Variants in MFGE8 observed in about 807,000 individuals in gnomAD.
MFGE8 encodes the protein lactadherin.
A neutral mutation model predicts 42.6 loss-of-function variants in MFGE8; 34 were observed. That is an observed-to-expected ratio of 0.80 (90% confidence interval 0.61 to 1.06). The LOEUF is 1.06. MFGE8 is among the 50% of genes least tolerant of loss of function. The probability of loss-of-function intolerance (pLI) is 0.00; values close to 1 mark genes in which losing one functional copy is unlikely to be tolerated. For synonymous variants in MFGE8, 230 were observed against 214.8 expected, an observed-to-expected ratio of 1.07 and a Z score of -0.62; for missense variants, 510 against 516.9, an observed-to-expected ratio of 0.99 and a Z score of 0.13.
rs56317908 is a variant in MFGE8, at chr15:88,901,054, T to C, written c.870+497A>G. ...ACACATATTCACACACATTCACACATACACATTCACATACACATTCACATA... is the reference window on the plus strand; with the variant it reads ...ACACATATTCACACACATTCACACACACACATTCACATACACATTCACATA... On this transcript the variant is annotated intron_variant, in intron 6 of 7. Coordinates refer to ENST00000268150, the MANE Select transcript of MFGE8 (RefSeq NM_005928.4). Among the ~76,000 whole-genome samples the C allele has an allele frequency of 4.3e-5, 5 of 115,520 alleles. 1 individual carries two copies. The highest frequency in any genetic ancestry group is 7.0e-5 in the Non-Finnish European group (4 of 56,810). The allele number at this position is 115,520 out of a possible 152,430, so 75.8% of individuals were successfully genotyped here.
At position 88,906,768 on chromosome 15, in the gene MFGE8, A is replaced by G; in HGVS notation, c.398T>C (p.Leu133Pro). The G allele has an allele frequency of 6.2e-7, 1 of 1,612,954 alleles. No individual in the cohort carries two copies. The highest frequency in any genetic ancestry group is 1.3e-5 in the African/African-American group (1 of 74,998). The change falls in exon 4 of 8, where the codon CTG becomes CCG. Residue 133 changes from leucine to proline, a missense_variant. Transcript: ENST00000268150. This position sits in a 1 kb window ranked among gnomAD's most constrained non-coding sequence, Gnocchi z 4.2. ...CACACCTGTTACCCACATCCTCCGC[A>G]GCAGGTTCACCTGGACACAGGGCAG... The part of the protein sequence containing the change: ...DDNPWIQVNL[L>P]RRMWVTGVVT...
Position 88,907,305 on chromosome 15 carries a change from C to G in MFGE8, c.277G>C (p.Val93Leu), listed in dbSNP as rs1295748225. The G allele has an allele frequency of 6.2e-7, 1 of 1,614,198 alleles. No individual in the cohort carries two copies. Among genetic ancestry groups the G allele is most frequent in the African/African-American group, 1.3e-5 (1 of 75,056 alleles). ...NSQIAASSVR[V>L]TFLGLQHWVP... ...CAATGCTGCAAACCCAAGAAGGTCA[C>G]ACGCACAGACGAGGCGGCGATCTGT... Residue 93 changes from valine (V) to leucine (L), a missense_variant, in exon 3 of 8, where the codon GTG becomes CTG. By Grantham distance (32) the Val-to-Leu change is conservative (BLOSUM62 1). Transcript: ENST00000268150.
chr15:88,901,409 GA>G, intron 6 of MFGE8, 141 bp downstream of exon 6: 1 of 796,784 alleles, frequency 1.3e-6, no homozygotes, highest in Non-Finnish European at 2.0e-6. Flanking sequence ...GAAGAAGAAA[GA>G]AAAGCCGAAG....
In MFGE8 at chr15:88,899,425, G is replaced by A. The variant is rs371505815; in HGVS notation, c.1134C>T (p.Ile378=). ...AGCCCAGCAGCTCCAGGCGCAGGGC[G>A]ATGCGGTTGTGCCAGGCTACAGGCA... The part of the protein sequence containing the change: ...RILPVAWHNR[I]ALRLELLGC Residue 378 remains isoleucine (I), a synonymous_variant, in exon 8 of 8, where the codon ATC becomes ATT. Coordinates refer to ENST00000268150, the MANE Select transcript of MFGE8 (RefSeq NM_005928.4). The surrounding 1 kb of genome is among the most constrained non-coding windows in gnomAD (Gnocchi z 6.8). The A allele has an allele frequency of 1.1e-4, 175 of 1,614,074 alleles. No individual in the cohort carries two copies. Among genetic ancestry groups the A allele is most frequent in the Non-Finnish European group, 1.4e-4 (165 of 1,180,018 alleles).
At chr15:88,907,477 AAGCCCC>A in intron 2 of MFGE8, 101 bp from the exon 3 acceptor site, 1 of 1,064,924 alleles carries the variant, frequency 9.4e-7, no homozygotes, top group East Asian at 2.5e-5. Flanking sequence ...ACCTCTGCCT[AAGCCCC>A]AGGGCCAGGG....
At position 88,901,123 on chromosome 15, in the gene MFGE8, T is replaced by TCA. The variant is rs372663455; in HGVS notation, c.870+426_870+427dup. Reference sequence around the variant, plus strand: ...CAAATACACATTCACACATACACATTCACACACACACATTCACACACACAT... The same window carrying TCA: ...CAAATACACATTCACACATACACATTCACACACACACACATTCACACACACAT... On this transcript the variant is annotated intron_variant, in intron 6 of 7. Transcript: ENST00000268150. 3.4e-4 allele frequency among the ~76,000 whole-genome samples: 21 copies of TCA among 61,424 alleles called. 5 individuals carry two copies. Among genetic ancestry groups the TCA allele is most frequent in the Middle Eastern group, 0.019 (2 of 104 alleles). 40.3% of individuals were successfully genotyped at this position (61,424 alleles called of 152,430 possible). A position where few individuals can be genotyped will look rare whatever the true frequency, so the allele number is the denominator to read the frequency against.
rs546003674 is a variant in MFGE8 at position 88,907,309 on chromosome 15, C to T, written c.273G>A (p.Val91=). The T allele has an allele frequency of 3.1e-6, 5 of 1,614,196 alleles. No homozygotes were observed. The African/African-American group carries it at 4.0e-5, about 13-fold the overall frequency. ...GCTGCAAACCCAAGAAGGTCACACGCACAGACGAGGCGGCGATCTGTGAGT... is the reference window on the plus strand; with the variant it reads ...GCTGCAAACCCAAGAAGGTCACACGTACAGACGAGGCGGCGATCTGTGAGT... ...IANSQIAASS[V]RVTFLGLQHW... Residue 91 remains valine (V), a synonymous_variant, in exon 3 of 8, where the codon GTG becomes GTA. Coordinates refer to ENST00000268150, the MANE Select transcript of MFGE8 (RefSeq NM_005928.4).
Position 88,900,609 on chromosome 15 carries a change from G to A in MFGE8, c.871-798C>T, listed in dbSNP as rs919073505. 4.7e-6 allele frequency: 3 copies of A among 632,226 alleles called. No individual in the cohort carries two copies. The African/African-American group carries it at 6.0e-5, about 13-fold the overall frequency. 39.2% of individuals were successfully genotyped at this position (632,226 alleles called of 1,614,324 possible). On this transcript the variant is annotated intron_variant, in intron 6 of 7. Coordinates refer to ENST00000268150, the MANE Select transcript of MFGE8 (RefSeq NM_005928.4). ...GACCTCCCTGGAGAACCTGCCAGCT[G>A]CACCTGGACACACAGTTCCCCAACA...
At position 88,905,782 on chromosome 15, in the gene MFGE8, A is replaced by G. The variant is rs1898643052; in HGVS notation, c.660T>C (p.Phe220=). 2 of 1,613,184 alleles carry G rather than the reference A, an allele frequency of 1.2e-6. No homozygotes were observed. Among genetic ancestry groups the G allele is most frequent in the South Asian group, 1.1e-5 (1 of 91,060 alleles). The change falls in exon 5 of 8, where the codon TTT becomes TTC. Residue 220 remains phenylalanine, a synonymous_variant. Coordinates refer to ENST00000268150, the MANE Select transcript of MFGE8 (RefSeq NM_005928.4). This position sits in a 1 kb window ranked among gnomAD's most constrained non-coding sequence, Gnocchi z 6.6. ...TSCHTACTLR[F]ELLGCELNGC... is the part of the protein sequence containing the mutation. Reference sequence around the variant, plus strand: ...CGTTCAGCTCACAGCCCAGTAGCTCAAAGCGCAGAGTGCAGGCCGTGTGGC... The same window carrying G: ...CGTTCAGCTCACAGCCCAGTAGCTCGAAGCGCAGAGTGCAGGCCGTGTGGC...
chr15:88,906,755 C>A lies in MFGE8; in HGVS notation c.411G>T (p.Trp137Cys), dbSNP rs1253943373. The A allele has an allele frequency of 5.0e-6, 8 of 1,613,222 alleles. No homozygotes were observed. Among genetic ancestry groups the A allele is most frequent in the Non-Finnish European group, 6.8e-6 (8 of 1,179,864 alleles). The change falls in exon 4 of 8, where the codon TGG becomes TGT. Residue 137 changes from tryptophan to cysteine, a missense_variant. Physicochemically the swap from Trp to Cys is radical, Grantham distance 215. Coordinates refer to ENST00000268150, the MANE Select transcript of MFGE8 (RefSeq NM_005928.4). The surrounding 1 kb of genome is among the most constrained non-coding windows in gnomAD (Gnocchi z 4.2). ...CACCCTGCGTCACCACACCTGTTAC[C>A]CACATCCTCCGCAGCAGGTTCACCT... ...WIQVNLLRRM[W>C]VTGVVTQGAS...
chr15:88,899,933 C>A lies in MFGE8; in HGVS notation c.871-122G>T, dbSNP rs989517349. ...AAACTACTTGGGTGAGCCTCAGTTT[C>A]TTTGGCTATAAAATGGGCATAAGGC... On this transcript the variant is annotated intron_variant, in intron 6 of 7. Coordinates refer to ENST00000268150, the MANE Select transcript of MFGE8 (RefSeq NM_005928.4). The surrounding 1 kb of genome is among the most constrained non-coding windows in gnomAD (Gnocchi z 6.8). 8.3e-6 allele frequency: 10 copies of A among 1,198,478 alleles called. No homozygotes were observed. Among genetic ancestry groups the A allele is most frequent in the Non-Finnish European group, 1.2e-6 (1 of 827,802 alleles). The allele number at this position is 1,198,478 out of a possible 1,614,324, so 74.2% of individuals were successfully genotyped here. A position where few individuals can be genotyped will look rare whatever the true frequency, so the allele number is the denominator to read the frequency against.
chr15:88,901,515 C>A, intron 6 of MFGE8, 36 bp downstream of exon 6: 6 of 1,054,062 alleles, frequency 5.7e-6, no homozygotes, highest in Non-Finnish European at 7.3e-6. Flanking sequence ...TCATCCCACC[C>A]AACCCCAGCC....
chr15:88,909,042 T>C (rs951956012), intron 2 of MFGE8, among the ~76,000 whole-genome samples: 4 of 152,042 alleles, frequency 2.6e-5, no homozygotes, highest in African/African-American at 9.7e-5. Context: ...GCTCCACCCA[T>C]CCCTGGGCCC....
intron 6 of MFGE8, among the ~76,000 whole-genome samples, chr15:88,900,204 T>C (rs1399452695): frequency 6.9e-6 from 1 of 145,860 alleles, no homozygotes; most frequent in Non-Finnish European, 1.5e-5. Context: ...ATGGCGCCAC[T>C]GCACTCCAGC....
At chr15:88,912,925 C>G (rs779748822) in intron 1 of MFGE8, 3 of 985,408 alleles carry the variant, frequency 3.0e-6, no homozygotes, top group Non-Finnish European at 3.6e-6. Flanking sequence ...ACGCAGTTCC[C>G]TGGCCTCATT....
In MFGE8 at chr15:88,903,115, G is replaced by A. The variant is rs887220334; in HGVS notation, c.686-1380C>T. The stretch of plus-strand genomic sequence containing the variant: ...CTTGGCCCCAGAAGAGGAGAGGCCT[G>A]AGGCAGGCTAAAACCTGGGCAGCTT... On this transcript the variant is annotated intron_variant, in intron 5 of 7. Coordinates refer to ENST00000268150, the MANE Select transcript of MFGE8 (RefSeq NM_005928.4). This position sits in a 1 kb window ranked among gnomAD's most constrained non-coding sequence, Gnocchi z 4.9. 1.4e-4 allele frequency: 22 copies of A among 152,426 alleles called. No homozygotes were observed. The highest frequency in any genetic ancestry group is 1.2e-3 in the Admixed American group (18 of 15,304). The allele number at this position is 152,426 out of a possible 1,614,324, so 9.4% of individuals were successfully genotyped here. A position where few individuals can be genotyped will look rare whatever the true frequency, so the allele number is the denominator to read the frequency against.
At chr15:88,908,900 C>T (rs1172755913) in intron 2 of MFGE8, among the ~76,000 whole-genome samples, 1 of 152,290 alleles carries the variant, frequency 6.6e-6, no homozygotes, top group South Asian at 2.1e-4. Flanking sequence ...AAGCCCCCCG[C>T]CCCCTCCTTC....
rs1898261513 is a variant in MFGE8, at chr15:88,899,538, G to A, written c.1027-6C>T. The A allele has an allele frequency of 1.9e-6, 3 of 1,614,168 alleles. No homozygotes were observed. Among genetic ancestry groups the A allele is most frequent in the Non-Finnish European group, 2.5e-6 (3 of 1,180,026 alleles). ...TCCCAGTTGCCAGGGAAGATCTAGA[G>A]GCAGAGCGGGTGTCAGGAGGACCCC... On this transcript the variant is annotated splice_region_variant and splice_polypyrimidine_tract_variant and intron_variant, in intron 7 of 7. Transcript: ENST00000268150. The surrounding 1 kb of genome is among the most constrained non-coding windows in gnomAD (Gnocchi z 6.8).
chr15:88,901,153 ACACACACATTCACACACATTCT>A (rs1207244648), intron 6 of MFGE8, among the ~76,000 whole-genome samples: 4 of 94,516 alleles, frequency 4.2e-5, no homozygotes, highest in Non-Finnish European at 7.8e-5. Flanking sequence ...ACACATTCTC[ACACACACATTCACACACATTCT>A]CACACATTCA....
Sources: allele counts gnomAD v4.1 joint callset (sites outside exome capture counted in the v4.1 genomes callset), GRCh38; gene constraint gnomAD v4.1.1; non-coding constraint Gnocchi (gnomAD v3.1); transcripts MANE v1.5; gene names NCBI Gene and HGNC (gene_info 2026-07-23, HGNC 2026-07-21).